CDH12: variants seen among roughly 807,000 people sequenced by gnomAD.
CDH12 encodes cadherin-12.
CDH12 carries 41 observed loss-of-function variants against 74.1 expected under a neutral mutation model. The ratio of observed to expected loss-of-function variants is 0.55; its 90% confidence interval spans 0.43 to 0.72. The LOEUF (loss-of-function observed/expected upper bound fraction) is 0.72. CDH12 is among the 30% of genes least tolerant of loss of function. The probability of loss-of-function intolerance (pLI) is 0.00; values close to 1 mark genes in which losing one functional copy is unlikely to be tolerated. For synonymous variants in CDH12, 399 were observed against 355.0 expected (o/e 1.12, Z -1.39); for missense variants, 945 against 977.2 (o/e 0.97, Z 0.44).
At chr5:22,851,417 A>C (rs1001733449) in intron 1 of CDH12, among the ~76,000 whole-genome samples, 3 of 152,090 alleles carry the variant, frequency 2.0e-5, no homozygotes, top group Admixed American at 6.6e-5. Flanking sequence ...AAAATCAAAA[A>C]CATTTTTTTA....
In CDH12 at chr5:22,454,218, T is replaced by G. The variant is rs577528295; in HGVS notation, c.-427-48867A>C. ...TCTTCATTAGCTTTCTAGTTCAATTTGCATTTTAAAATGAAACATAATTTC... is the reference window on the plus strand; with the variant it reads ...TCTTCATTAGCTTTCTAGTTCAATTGGCATTTTAAAATGAAACATAATTTC... On this transcript the variant is annotated intron_variant, in intron 2 of 14. Coordinates refer to ENST00000382254, the MANE Select transcript of CDH12 (RefSeq NM_004061.5). Among the ~76,000 whole-genome samples the G allele has an allele frequency of 1.3e-4, 20 of 152,344 alleles. No homozygotes were observed. The South Asian group carries it at 1.4e-3, about 11-fold the overall frequency.
chr5:22,044,543 C>T (rs920408237), intron 5 of CDH12, among the ~76,000 whole-genome samples: 4 of 152,130 alleles, frequency 2.6e-5, no homozygotes, highest in South Asian at 2.1e-4. Context: ...ATCTAATCAC[C>T]CCCCATCAGG....
chr5:22,605,445 A>G (rs1307401429), intron 1 of CDH12, among the ~76,000 whole-genome samples: 1 of 152,220 alleles, frequency 6.6e-6, no homozygotes, highest in East Asian at 1.9e-4. Flanking sequence ...TTCTCAGACG[A>G]TAGCACAACC....
chr5:22,039,620 A>C (rs1739430437), intron 5 of CDH12, among the ~76,000 whole-genome samples: 1 of 152,124 alleles, frequency 6.6e-6, no homozygotes, highest in Admixed American at 6.5e-5. Flanking sequence ...GGACCCCAAA[A>C]GTAATTGCCA....
At chr5:22,049,297 G>C (rs193098994) in intron 5 of CDH12, among the ~76,000 whole-genome samples, 327 of 151,482 alleles carry the variant, frequency 2.2e-3, no homozygotes, top group Non-Finnish European at 3.5e-3. Context: ...TCTATTGATT[G>C]AGTTTTACAT....
At chr5:22,331,845 C>T (rs1057194110) in intron 3 of CDH12, among the ~76,000 whole-genome samples, 2 of 152,022 alleles carry the variant, frequency 1.3e-5, no homozygotes, top group African/African-American at 2.4e-5. Context: ...AACAGAAATT[C>T]TGAAGTTCAA....
intron 3 of CDH12, among the ~76,000 whole-genome samples, chr5:22,340,401 C>T (rs1739791659): frequency 6.6e-6 from 1 of 151,916 alleles, no homozygotes; most frequent in South Asian, 2.1e-4. Context: ...GTGGCGGGTG[C>T]CTGTAGTCCC....
At chr5:22,711,905 T>C (rs142928402) in intron 1 of CDH12, among the ~76,000 whole-genome samples, 1 of 152,184 alleles carries the variant, frequency 6.6e-6, no homozygotes, top group Non-Finnish European at 1.5e-5. Flanking sequence ...ATCCAAGCCT[T>C]AAAGTAACTC....
intron 6 of CDH12, among the ~76,000 whole-genome samples, chr5:21,880,562 C>CTTTCTTTCTTT (rs1561268001): frequency 3.9e-5 from 2 of 51,826 alleles, no homozygotes; most frequent in African/African-American, 9.8e-5. Flanking sequence ...TTCCTTCCTT[C>CTTTCTTTCTTT]CCTTCTTTCT....
At chr5:22,604,688 G>A in intron 1 of CDH12, among the ~76,000 whole-genome samples, 1 of 152,178 alleles carries the variant, frequency 6.6e-6, no homozygotes. Flanking sequence ...TGGGCCAAGG[G>A]GTCTGCTGCC....
intron 1 of CDH12, among the ~76,000 whole-genome samples, 174 bp downstream of exon 1, chr5:22,852,884 C>A (rs981422109): frequency 1.3e-5 from 2 of 152,134 alleles, no homozygotes; most frequent in Non-Finnish European, 2.9e-5. Context: ...CCGAAGTTTC[C>A]CAAAGCAAAA....
At chr5:21,994,627 G>A (rs1736160846) in intron 5 of CDH12, among the ~76,000 whole-genome samples, 1 of 152,136 alleles carries the variant, frequency 6.6e-6, no homozygotes, top group Admixed American at 6.6e-5. Context: ...AGTACAGCAG[G>A]TTTTGCTACT....
chr5:22,564,244 C>T (rs1483188909), intron 1 of CDH12, among the ~76,000 whole-genome samples: 1 of 152,206 alleles, frequency 6.6e-6, no homozygotes, highest in Non-Finnish European at 1.5e-5. Context: ...CTGCAACTCA[C>T]ATTCTTACCT....
intron 1 of CDH12, among the ~76,000 whole-genome samples, chr5:22,518,026 G>C (rs1736880070): frequency 1.3e-5 from 2 of 152,058 alleles, no homozygotes; most frequent in Non-Finnish European, 2.9e-5. Flanking sequence ...GCTTTTTATA[G>C]GGTTACCCCT....
intron 2 of CDH12, among the ~76,000 whole-genome samples, chr5:22,428,938 C>T (rs969804868): frequency 6.6e-6 from 1 of 152,016 alleles, no homozygotes; most frequent in Non-Finnish European, 1.5e-5. Flanking sequence ...TCAGGCCAAC[C>T]TTATACCATT....
chr5:22,261,180 AT>A (rs539458589), intron 3 of CDH12, among the ~76,000 whole-genome samples: 86 of 150,962 alleles, frequency 5.7e-4, no homozygotes, highest in East Asian at 3.1e-3. Flanking sequence ...TTCTACAGAA[AT>A]TTTTTTTTGC....
At chr5:22,274,091 A>G (rs554214972) in intron 3 of CDH12, among the ~76,000 whole-genome samples, 1 of 152,294 alleles carries the variant, frequency 6.6e-6, no homozygotes, top group African/African-American at 2.4e-5. Flanking sequence ...TGTTATGCAC[A>G]TTATATATAT....
chr5:22,508,434 C>A (rs567782485), intron 1 of CDH12, among the ~76,000 whole-genome samples: 8 of 152,298 alleles, frequency 5.3e-5, no homozygotes, highest in South Asian at 2.1e-4. Flanking sequence ...ACTGGCCCTG[C>A]AAAGCTGTCC....
intron 3 of CDH12, among the ~76,000 whole-genome samples, chr5:22,285,035 TGA>T (rs1461416728): frequency 6.6e-6 from 1 of 151,814 alleles, no homozygotes; most frequent in Non-Finnish European, 1.5e-5. Flanking sequence ...AGTCTATTAT[TGA>T]GGCTAAAATA....
Sources: gnomAD v4.1 joint callset for allele counts (sites outside exome capture counted in the v4.1 genomes callset) on GRCh38, gnomAD v4.1.1 for gene constraint, MANE v1.5 for transcripts, NCBI Gene and HGNC (gene_info 2026-07-23, HGNC 2026-07-21) for gene names.